The following NR6A1 variants were observed in gnomAD, a reference collection of about 807,000 sequenced individuals.
NR6A1 encodes retinoic acid receptor-related testis-associated receptor.
In NR6A1, 7 loss-of-function variants were observed where a neutral mutation model predicts 59.1. The ratio of observed to expected loss-of-function variants is 0.12; its 90% CI spans 0.07 to 0.22. The LOEUF is 0.22. Among genes scored for constraint, NR6A1 ranks in the 10% least tolerant of loss-of-function variants. The probability of loss-of-function intolerance (pLI) is 1.00; values close to 1 mark genes in which losing one functional copy is unlikely to be tolerated. For missense variants in NR6A1, 468 were observed against 611.6 expected (o/e 0.77, Z 2.48); for synonymous variants, 243 against 236.1 (o/e 1.03, Z -0.27).
At chr9:124,535,503 G>C (rs147569214) in intron 7 of NR6A1, among the ~76,000 whole-genome samples, 5 of 152,074 alleles carry the variant, frequency 3.3e-5, no homozygotes, top group Non-Finnish European at 5.9e-5. Context: ...ACTTGAACCC[G>C]GGAGGCAAGA....
chr9:124,645,161 T>C (rs763254792), intron 2 of NR6A1, among the ~76,000 whole-genome samples: 14 of 151,036 alleles, frequency 9.3e-5, no homozygotes, highest in Admixed American at 2.6e-4. Flanking sequence ...TGAGAGAAAA[T>C]GGAAACACAT....
intron 1 of NR6A1, among the ~76,000 whole-genome samples, chr9:124,769,471 T>C (rs190313688): frequency 5.9e-4 from 90 of 152,306 alleles, no homozygotes; most frequent in Non-Finnish European, 1.1e-3. Context: ...CATTCAACAA[T>C]TGAGCGCCTA....
chr9:124,720,466 A>G (rs947772215), intron 2 of NR6A1, among the ~76,000 whole-genome samples: 3 of 152,250 alleles, frequency 2.0e-5, no homozygotes, highest in Admixed American at 6.5e-5. Context: ...TTGTACTAAC[A>G]GATGAAAAAG....
chr9:124,562,876 G>A (rs972877589), intron 2 of NR6A1, among the ~76,000 whole-genome samples: 2 of 152,134 alleles, frequency 1.3e-5, no homozygotes, highest in African/African-American at 4.8e-5. Context: ...TGTGTCTGCT[G>A]AAATAAATGG....
intron 2 of NR6A1, among the ~76,000 whole-genome samples, chr9:124,562,469 G>C (rs1394543404): frequency 1.3e-5 from 2 of 151,940 alleles, no homozygotes; most frequent in African/African-American, 4.8e-5. Context: ...GCCTAGGCTG[G>C]AGTGCAGTGG....
At position 124,591,716 on chromosome 9, in the gene NR6A1, T is replaced by C. The variant is rs535061717; in HGVS notation, c.143-37146A>G. Among the ~76,000 whole-genome samples, 60 of 152,290 alleles carry C rather than the reference T, an allele frequency of 3.9e-4. 1 individual carries two copies. Among genetic ancestry groups the C allele is most frequent in the African/African-American group, 1.4e-3 (59 of 41,564 alleles). The stretch of plus-strand genomic sequence containing the variant: ...GTGAGCATCAAGACCCTGTTAGAGT[T>C]AGCAATGACCTTTACATCTATCAGG... On this transcript the variant is annotated intron_variant, in intron 2 of 9. Transcript: ENST00000487099.
chr9:124,577,818 T>C (rs1056417466), intron 2 of NR6A1, among the ~76,000 whole-genome samples: 33 of 152,316 alleles, frequency 2.2e-4, no homozygotes, highest in African/African-American at 7.5e-4. Flanking sequence ...CTTCCTGAAA[T>C]TTAAGGATAA....
intron 2 of NR6A1, among the ~76,000 whole-genome samples, chr9:124,600,021 A>G (rs1588700060): frequency 6.6e-6 from 1 of 152,232 alleles, no homozygotes; most frequent in Non-Finnish European, 1.5e-5. Flanking sequence ...TAGTGGCCAC[A>G]TGATCACTAG....
At chr9:124,734,844 C>T (rs1432896030) in intron 1 of NR6A1, among the ~76,000 whole-genome samples, 3 of 152,114 alleles carry the variant, frequency 2.0e-5, no homozygotes, top group African/African-American at 4.8e-5. Context: ...TTAAACACTA[C>T]GACTTTGTTT....
chr9:124,770,816 A>G lies in NR6A1; in HGVS notation c.100+204T>C, dbSNP rs566018762. ...GTCCGCGCAGAAGGGAACAGGGACGAAGGAGGAGGATCCACCCTGAGCGAG... is the reference window on the plus strand; with the variant it reads ...GTCCGCGCAGAAGGGAACAGGGACGGAGGAGGAGGATCCACCCTGAGCGAG... On this transcript the variant is annotated intron_variant, in intron 1 of 9. Transcript: ENST00000487099. Among the ~76,000 whole-genome samples, 38 of 151,526 alleles carry G rather than the reference A, an allele frequency of 2.5e-4. No individual in the cohort carries two copies. The East Asian group carries it at 7.5e-3, about 30-fold the overall frequency.
At chr9:124,677,127 C>T (rs757578747) in intron 2 of NR6A1, among the ~76,000 whole-genome samples, 42 of 152,012 alleles carry the variant, frequency 2.8e-4, no homozygotes, top group Non-Finnish European at 5.3e-4. Context: ...GGCCTTAGTG[C>T]TCATAAACTA....
intron 2 of NR6A1, among the ~76,000 whole-genome samples, chr9:124,582,664 A>T (rs952467602): frequency 6.6e-6 from 1 of 152,124 alleles, no homozygotes; most frequent in African/African-American, 2.4e-5. Context: ...AGGTGGAAGG[A>T]CTGCTTGAGG....
chr9:124,533,645 A>T (rs1333912636), intron 7 of NR6A1, among the ~76,000 whole-genome samples: 4 of 150,264 alleles, frequency 2.7e-5, no homozygotes, highest in African/African-American at 9.8e-5. Context: ...ACTTTCATGG[A>T]TAGGGGCACC....
intron 2 of NR6A1, chr9:124,599,021 C>A: frequency 1.3e-6 from 1 of 743,016 alleles, no homozygotes; most frequent in Admixed American, 1.8e-5. Flanking sequence ...GGTCTTGTCC[C>A]TCCTCATGAG....
intron 1 of NR6A1, among the ~76,000 whole-genome samples, chr9:124,733,976 A>G (rs181720560): frequency 6.6e-6 from 1 of 152,334 alleles, no homozygotes; most frequent in African/African-American, 2.4e-5. Flanking sequence ...TCTGGCTGGT[A>G]TATAACTAAC....
At chr9:124,726,117 A>G (rs1048858106) in intron 2 of NR6A1, among the ~76,000 whole-genome samples, 3 of 152,236 alleles carry the variant, frequency 2.0e-5, no homozygotes, top group Non-Finnish European at 2.9e-5. Context: ...AATCAGGCCA[A>G]GTATAGCTCA....
intron 2 of NR6A1, among the ~76,000 whole-genome samples, chr9:124,633,902 T>C (rs910280420): frequency 6.6e-6 from 1 of 152,250 alleles, no homozygotes; most frequent in African/African-American, 2.4e-5. Flanking sequence ...TTTATTTTCA[T>C]TGCAGCCATA....
rs558240528 is a variant in NR6A1 at position 124,724,262 on chromosome 9, G to A, written c.142+9046C>T. Among the ~76,000 whole-genome samples, 5 of 152,112 alleles carry A rather than the reference G, an allele frequency of 3.3e-5. 1 individual carries two copies. In the South Asian group the frequency reaches 8.3e-4, roughly 25 times the overall value. On this transcript the variant is annotated intron_variant, in intron 2 of 9. Coordinates refer to ENST00000487099, the MANE Select transcript of NR6A1 (RefSeq NM_033334.4). ...AACCTGGAAGGACATACTCTCAAAC[G>A]TGAAGCAATGGTTATTTCTAGGTGG...
chr9:124,743,369 T>A (rs1783024470), intron 1 of NR6A1, among the ~76,000 whole-genome samples: 3 of 152,216 alleles, frequency 2.0e-5, no homozygotes, highest in Non-Finnish European at 4.4e-5. Flanking sequence ...TGGTAGAGCT[T>A]TAAGTAGTAG....
Sources: allele counts gnomAD v4.1 joint callset (sites outside exome capture counted in the v4.1 genomes callset), GRCh38; gene constraint gnomAD v4.1.1; transcripts MANE v1.5; gene names NCBI Gene and HGNC (gene_info 2026-07-23, HGNC 2026-07-21).